EXOSC9: variants seen among roughly 807,000 people sequenced by gnomAD.
EXOSC9 encodes exosome complex component RRP45.
A neutral mutation model predicts 56.5 loss-of-function variants in EXOSC9; 38 were observed. That is an observed-to-expected ratio of 0.67 (90% CI 0.52 to 0.88). EXOSC9 has a LOEUF of 0.88. Ranked by LOEUF, EXOSC9 falls within the 40% of genes least tolerant of loss-of-function variation. EXOSC9 has a pLI of 0.00. For synonymous variants in EXOSC9, 170 were observed against 170.8 expected, an observed-to-expected ratio of 0.99 and a Z score of 0.04; for missense variants, 559 against 530.5, an observed-to-expected ratio of 1.05 and a Z score of -0.53.
At position 121,808,668 on chromosome 4, in the gene EXOSC9, TTTTTC is replaced by T. The variant is rs534409169; in HGVS notation, c.605+1061_605+1065del. Among the ~76,000 whole-genome samples the T allele has an allele frequency of 7.2e-3, 1,096 of 151,700 alleles. 12 individuals carry two copies. Among genetic ancestry groups the T allele is most frequent in the African/African-American group, 0.025 (1,051 of 41,374 alleles). On this transcript the variant is annotated intron_variant, in intron 6 of 11. Coordinates refer to ENST00000243498, the MANE Select transcript of EXOSC9 (RefSeq NM_005033.3). ...ATGAGCCACCATGCCTGGCTGTTTC[TTTTTC>T]TTTTCTTTTCTTTTTTTTTTTTAAG...
At chr4:121,813,461 A>T (rs1021761273) in intron 9 of EXOSC9, 81 bp downstream of exon 9, 10 of 1,256,188 alleles carry the variant, frequency 8.0e-6, no homozygotes, top group Non-Finnish European at 1.0e-5. Context: ...AAGGATGTGT[A>T]TACTGAAATT....
rs763347864 is a variant in EXOSC9, at chr4:121,804,741, A to G, written c.504A>G (p.Gln168=). 1.9e-6 allele frequency: 3 copies of G among 1,609,900 alleles called. No individual in the cohort carries two copies. Among genetic ancestry groups the G allele is most frequent in the South Asian group, 1.1e-5 (1 of 90,262 alleles). ...TCCGAAGACCTGATGTCTCTGTCCA[A>G]GGAGATGAAGTAACACTGGTAAGCT... The part of the protein sequence containing the change: ...CHFRRPDVSV[Q]GDEVTLYTPE... Residue 168 remains glutamine (Q), a synonymous_variant, in exon 5 of 12, where the codon CAA becomes CAG. Coordinates refer to ENST00000243498, the MANE Select transcript of EXOSC9 (RefSeq NM_005033.3).
At chr4:121,815,517 G>A in intron 10 of EXOSC9, 1 of 984,086 alleles carries the variant, frequency 1.0e-6, no homozygotes, top group Non-Finnish European at 1.2e-6. Context: ...CACATTTTAT[G>A]TATATCATTA....
rs1724317805 is a variant in EXOSC9, at chr4:121,813,226, A to G, written c.828-8A>G. ...CTTCCTTCCCACCAAAAAAACCCCC[A>G]CATACAGGAAAGAAGGTGGAAAGTT... is the stretch of plus-strand genomic sequence containing the variant. On this transcript the variant is annotated splice_region_variant and splice_polypyrimidine_tract_variant and intron_variant, in intron 8 of 11. Coordinates refer to ENST00000243498, the MANE Select transcript of EXOSC9 (RefSeq NM_005033.3). The G allele has an allele frequency of 1.9e-6, 3 of 1,602,880 alleles. No individual in the cohort carries two copies. The East Asian group carries it at 6.7e-5, about 36-fold the overall frequency.
chr4:121,802,735 AT>A lies in EXOSC9; in HGVS notation c.225del (p.Leu76PhefsTer25). ...SPKLNRATEG[I>X]LFFNLELSQM... The stretch of plus-strand genomic sequence containing the variant: ...AAAACTCAATCGGGCAACAGAAGGT[AT>A]TCTTTTTTTTAACCTTGAACTCTCT... On this transcript the variant is annotated frameshift_variant, in exon 3 of 12. Coordinates refer to ENST00000243498, the MANE Select transcript of EXOSC9 (RefSeq NM_005033.3). LOFTEE classifies it high-confidence loss of function. 10 of 1,614,006 alleles carry A rather than the reference AT, an allele frequency of 6.2e-6. No homozygotes were observed. The highest frequency in any genetic ancestry group is 8.5e-6 in the Non-Finnish European group (10 of 1,179,900).
chr4:121,814,117 T>TAA (rs2149039331), intron 10 of EXOSC9, 70 bp downstream of exon 10: 5 of 932,950 alleles, frequency 5.4e-6, no homozygotes, highest in Non-Finnish European at 8.2e-6. Flanking sequence ...GTTATATATA[T>TAA]AATGCATAAA....
chr4:121,815,725 CT>C, intron 10 of EXOSC9: 1 of 987,522 alleles, frequency 1.0e-6, no homozygotes, highest in Non-Finnish European at 1.2e-6. Flanking sequence ...GAAATGGGTT[CT>C]TTTATTTCTT....
In EXOSC9 at chr4:121,816,400, A is replaced by C; in HGVS notation, c.1188A>C (p.Glu396Asp). The part of the protein sequence containing the change: ...DAPIILSDSE[E>D]EEMIILEPDK... Reference sequence around the variant, plus strand: ...CCATAATACTCTCAGATAGTGAAGAAGAAGAAATGATCATTTTGGAACCAG... The same window carrying C: ...CCATAATACTCTCAGATAGTGAAGACGAAGAAATGATCATTTTGGAACCAG... Residue 396 changes from glutamate (E) to aspartate (D), a missense_variant, in exon 11 of 12, where the codon GAA (glutamate) becomes GAC (aspartate). By Grantham distance (45) the Glu-to-Asp change is conservative. Coordinates refer to ENST00000243498, the MANE Select transcript of EXOSC9 (RefSeq NM_005033.3). The C allele has an allele frequency of 1.9e-6, 3 of 1,573,000 alleles. No homozygotes were observed. Among genetic ancestry groups the C allele is most frequent in the Non-Finnish European group, 2.6e-6 (3 of 1,161,050 alleles).
chr4:121,816,523 T>C, intron 11 of EXOSC9, 76 bp downstream of exon 11: 2 of 992,152 alleles, frequency 2.0e-6, no homozygotes, highest in Non-Finnish European at 3.0e-6. Flanking sequence ...GGTTTTACTC[T>C]CATCTTGCCA....
At chr4:121,810,380 TAAAA>T (rs11323170) in intron 7 of EXOSC9, among the ~76,000 whole-genome samples, 1 of 148,218 alleles carries the variant, frequency 6.7e-6, no homozygotes. Flanking sequence ...ATATCCCTAT[TAAAA>T]AAAAAAAAAA....
rs1421082353 is a variant in EXOSC9, at chr4:121,801,387, G to A, written c.-38G>A. ...GGAAAGATCGGGTTCCGTTTTTCCC[G>A]CGGATTCTGGTGCCTGTGGGGCCGG... On this transcript the variant is annotated 5_prime_UTR_variant, in exon 1 of 12. Coordinates refer to ENST00000243498, the MANE Select transcript of EXOSC9 (RefSeq NM_005033.3). 1.2e-6 allele frequency: 2 copies of A among 1,601,504 alleles called. No individual in the cohort carries two copies. Among genetic ancestry groups the A allele is most frequent in the African/African-American group, 1.3e-5 (1 of 74,680 alleles).
intron 6 of EXOSC9, among the ~76,000 whole-genome samples, chr4:121,809,466 TC>T (rs1472343056): frequency 2.0e-5 from 3 of 152,170 alleles, no homozygotes; most frequent in Non-Finnish European, 4.4e-5. Context: ...GTCTCTGAAA[TC>T]CAATATTTTA....
In EXOSC9 at chr4:121,816,971, A is replaced by AAAT. The variant is rs1433381693; in HGVS notation, c.*117_*119dup. 3.6e-6 allele frequency: 4 copies of AAAT among 1,117,402 alleles called. No individual in the cohort carries two copies. The highest frequency in any genetic ancestry group is 2.1e-5 in the South Asian group (1 of 48,122). The allele number at this position is 1,117,402 out of a possible 1,614,324, so 69.2% of individuals were successfully genotyped here. A position where few individuals can be genotyped will look rare whatever the true frequency, so the allele number is the denominator to read the frequency against. On this transcript the variant is annotated 3_prime_UTR_variant, in exon 12 of 12. Transcript: ENST00000243498. ...ATTATAAAATCTAGCAGGATTTTAA[A>AAAT]AATAGTTTTTTGTTTTTAATGTGCT...
At chr4:121,808,534 A>T (rs956661039) in intron 6 of EXOSC9, among the ~76,000 whole-genome samples, 1 of 151,186 alleles carries the variant, frequency 6.6e-6, no homozygotes, top group Admixed American at 6.6e-5. Context: ...TAATTTTTGT[A>T]TTTTTTTTGT....
chr4:121,802,853 T>C, intron 3 of EXOSC9, 60 bp downstream of exon 3: 2 of 1,611,394 alleles, frequency 1.2e-6, no homozygotes, highest in Non-Finnish European at 1.7e-6. Flanking sequence ...GCAGTGAGCT[T>C]TTGTTTTAAT....
intron 10 of EXOSC9, chr4:121,815,698 A>G (rs867710277): frequency 1.0e-6 from 1 of 986,042 alleles, no homozygotes; most frequent in Non-Finnish European, 1.2e-6. Flanking sequence ...AACACCAGCA[A>G]TGCCAAAGGT....
At chr4:121,816,014 G>A in intron 10 of EXOSC9, 3 of 1,197,328 alleles carry the variant, frequency 2.5e-6, no homozygotes, top group Non-Finnish European at 3.2e-6. Flanking sequence ...CTGTCACCCA[G>A]ACTGGAGTGC....
intron 8 of EXOSC9, among the ~76,000 whole-genome samples, chr4:121,812,496 T>C (rs1258670949): frequency 1.3e-5 from 2 of 152,192 alleles, no homozygotes; most frequent in Non-Finnish European, 2.9e-5. Context: ...TTTTTGTTTG[T>C]TTTTTGAGAT....
chr4:121,805,183 A>G (rs575465273), intron 5 of EXOSC9, among the ~76,000 whole-genome samples: 1 of 152,338 alleles, frequency 6.6e-6, no homozygotes, highest in East Asian at 1.9e-4. Flanking sequence ...TCATTAGGCA[A>G]AGAGATGACG....
Sources: allele counts gnomAD v4.1 joint callset (sites outside exome capture counted in the v4.1 genomes callset), GRCh38; gene constraint gnomAD v4.1.1; transcripts MANE v1.5; gene names NCBI Gene and HGNC (gene_info 2026-07-23, HGNC 2026-07-21).